The following SLC35F1 variants were observed in gnomAD, a reference collection of about 807,000 sequenced individuals.
The protein encoded by SLC35F1 is solute carrier family 35 member F1.
In SLC35F1, 14 loss-of-function variants were observed where a neutral mutation model predicts 48.7. The observed-to-expected ratio is 0.29, with a 90% CI of 0.19 to 0.45. SLC35F1 has a LOEUF of 0.45. SLC35F1 is among the 20% of genes least tolerant of loss of function. The pLI, the probability that SLC35F1 is intolerant of heterozygous loss-of-function variation, is 1.00. For missense variants in SLC35F1, 404 were observed against 500.0 expected (o/e 0.81, Z 1.83); for synonymous variants, 190 against 202.2 (o/e 0.94, Z 0.51).
intron 2 of SLC35F1, among the ~76,000 whole-genome samples, chr6:118,207,289 AAATT>A (rs1774947633): frequency 6.6e-6 from 1 of 152,252 alleles, no homozygotes; most frequent in African/African-American, 2.4e-5. Flanking sequence ...TATTTAAAAT[AAATT>A]AGTCACTGAA....
intron 3 of SLC35F1, among the ~76,000 whole-genome samples, chr6:118,259,714 A>AT: frequency 6.6e-6 from 1 of 151,792 alleles, no homozygotes; most frequent in Admixed American, 6.6e-5. Context: ...CAAAAAAAAA[A>AT]ATACAGTAAC....
At chr6:118,070,269 GA>G (rs756863092) in intron 1 of SLC35F1, among the ~76,000 whole-genome samples, 9 of 151,904 alleles carry the variant, frequency 5.9e-5, no homozygotes, top group Non-Finnish European at 1.3e-4. Context: ...TTTACCTTCA[GA>G]TAGAGGTAAA....
chr6:118,108,267 A>C (rs1773352263), intron 1 of SLC35F1, among the ~76,000 whole-genome samples: 1 of 152,062 alleles, frequency 6.6e-6, no homozygotes, highest in Non-Finnish European at 1.5e-5. Context: ...TAGTTCTATA[A>C]TTTTCTTCTA....
At chr6:118,095,057 A>G (rs1476394040) in intron 1 of SLC35F1, among the ~76,000 whole-genome samples, 6 of 152,038 alleles carry the variant, frequency 3.9e-5, no homozygotes, top group Non-Finnish European at 8.8e-5. Flanking sequence ...ACTTGAACCC[A>G]GGAGGCGGAG....
intron 1 of SLC35F1, chr6:117,999,408 C>T (rs1012157854): frequency 2.5e-6 from 4 of 1,586,340 alleles, no homozygotes; most frequent in Non-Finnish European, 3.4e-6. Context: ...CCAGCTCAGG[C>T]TCCCAAAGGT....
intron 1 of SLC35F1, among the ~76,000 whole-genome samples, chr6:118,149,101 C>T (rs1330317460): frequency 6.6e-6 from 1 of 152,164 alleles, no homozygotes; most frequent in African/African-American, 2.4e-5. Context: ...AAAATACATT[C>T]CCTTCTTTTC....
At chr6:117,984,493 CAAAAA>C (rs1215573454) in intron 1 of SLC35F1, among the ~76,000 whole-genome samples, 1 of 60,972 alleles carries the variant, frequency 1.6e-5, no homozygotes. Flanking sequence ...GACTCGGTCT[CAAAAA>C]AAAAAAAAAA....
chr6:118,258,363 T>C (rs1373261129), intron 3 of SLC35F1, among the ~76,000 whole-genome samples: 1 of 152,142 alleles, frequency 6.6e-6, no homozygotes, highest in African/African-American at 2.4e-5. Flanking sequence ...AACTGATATT[T>C]TCCAGCAGTA....
chr6:118,043,630 G>A (rs116998571), intron 1 of SLC35F1, among the ~76,000 whole-genome samples: 322 of 152,244 alleles, frequency 2.1e-3, no homozygotes, highest in Non-Finnish European at 3.9e-3. Context: ...ATTTCCCCAC[G>A]TTTGTATATT....
Position 118,102,029 on chromosome 6 carries a change from T to C in SLC35F1, c.174-52416T>C, listed in dbSNP as rs1773265244. Among the ~76,000 whole-genome samples, 2 of 152,178 alleles carry C rather than the reference T, an allele frequency of 1.3e-5. 1 individual carries two copies. Among genetic ancestry groups the C allele is most frequent in the South Asian group, 4.1e-4 (2 of 4,826 alleles). On this transcript the variant is annotated intron_variant, in intron 1 of 7. Transcript: ENST00000360388. ...GGTTTTGCCTTCTCAGTGGCAAGCT[T>C]CCTTTACTCACTAACCACAGGGCTG...
At chr6:118,252,396 A>G (rs1775585789) in intron 3 of SLC35F1, among the ~76,000 whole-genome samples, 1 of 152,152 alleles carries the variant, frequency 6.6e-6, no homozygotes, top group Non-Finnish European at 1.5e-5. Context: ...AAAGAAAAGA[A>G]AAAGAGCCAA....
chr6:118,042,022 C>T (rs969160182), intron 1 of SLC35F1, among the ~76,000 whole-genome samples: 5 of 152,040 alleles, frequency 3.3e-5, no homozygotes, highest in Non-Finnish European at 5.9e-5. Flanking sequence ...ACACTCTCTG[C>T]CTCATTTCTT....
chr6:118,075,984 G>A (rs1772811808), intron 1 of SLC35F1, among the ~76,000 whole-genome samples: 1 of 152,108 alleles, frequency 6.6e-6, no homozygotes, highest in African/African-American at 2.4e-5. Flanking sequence ...GCAGATACCT[G>A]CCAGGTACTT....
intron 1 of SLC35F1, among the ~76,000 whole-genome samples, chr6:117,967,188 C>T (rs1776581685): frequency 6.6e-6 from 1 of 151,344 alleles, no homozygotes; most frequent in Non-Finnish European, 1.5e-5. Context: ...ATTCTTAGAG[C>T]ACACAGAAAA....
intron 1 of SLC35F1, among the ~76,000 whole-genome samples, chr6:118,149,998 T>C (rs1240839561): frequency 6.6e-6 from 1 of 152,156 alleles, no homozygotes; most frequent in African/African-American, 2.4e-5. Flanking sequence ...ACCAAAATAG[T>C]AGTATAGCAT....
intron 1 of SLC35F1, among the ~76,000 whole-genome samples, chr6:118,129,204 G>A (rs2114417935): frequency 6.6e-6 from 1 of 152,270 alleles, no homozygotes; most frequent in African/African-American, 2.4e-5. Context: ...GGCCTTAGAG[G>A]AAATCAATGA....
chr6:118,241,317 T>C (rs2114591555), intron 3 of SLC35F1, among the ~76,000 whole-genome samples: 1 of 152,360 alleles, frequency 6.6e-6, no homozygotes, highest in East Asian at 1.9e-4. Flanking sequence ...GAGTCACTCC[T>C]TGCTCTATCC....
At chr6:118,238,419 A>G (rs1022540099) in intron 3 of SLC35F1, among the ~76,000 whole-genome samples, 4 of 104,018 alleles carry the variant, frequency 3.8e-5, no homozygotes, top group African/African-American at 1.5e-4. Flanking sequence ...GCAAGATCCC[A>G]TCTCTAAAAT....
Position 118,092,053 on chromosome 6 carries a change from C to T in SLC35F1, c.174-62392C>T, listed in dbSNP as rs186277289. Among the ~76,000 whole-genome samples, 683 of 152,202 alleles carry T rather than the reference C, an allele frequency of 4.5e-3. 4 individuals carry two copies. The highest frequency in any genetic ancestry group is 0.015 in the African/African-American group (629 of 41,516). On this transcript the variant is annotated intron_variant, in intron 1 of 7. Coordinates refer to ENST00000360388, the MANE Select transcript of SLC35F1 (RefSeq NM_001029858.4). ...AAAAGTTTGGAAATTTGCAGCCTGA[C>T]GATGCAGTAGAAAAGAAAAAACCGT...
Sources: gnomAD v4.1 joint callset for allele counts (sites outside exome capture counted in the v4.1 genomes callset) on GRCh38, gnomAD v4.1.1 for gene constraint, MANE v1.5 for transcripts, NCBI Gene and HGNC (gene_info 2026-07-23, HGNC 2026-07-21) for gene names.